The following RNF4 variants were observed in gnomAD, a reference collection of about 807,000 sequenced individuals.
RNF4 encodes E3 ubiquitin-protein ligase RNF4.
Under a neutral mutation model 24.3 loss-of-function variants are expected in RNF4, and 7 were observed. That is an observed-to-expected ratio of 0.29 (90% CI 0.16 to 0.54). The LOEUF is 0.54. Ranked by LOEUF, RNF4 falls within the 20% of genes least tolerant of loss-of-function variation. The pLI, the probability that RNF4 is intolerant of heterozygous loss-of-function variation, is 0.95. For synonymous variants in RNF4, 83 were observed against 84.3 expected, an observed-to-expected ratio of 0.98 and a Z score of 0.09; for missense variants, 209 against 248.5, an observed-to-expected ratio of 0.84 and a Z score of 1.07.
intron 1 of RNF4, among the ~76,000 whole-genome samples, chr4:2,482,942 G>T (rs920749784): frequency 1.3e-4 from 20 of 152,170 alleles, no homozygotes; most frequent in African/African-American, 4.8e-4. Flanking sequence ...TGCCAAGTCT[G>T]TTCTGGAAAT....
At chr4:2,507,535 A>G (rs918805676) in intron 4 of RNF4, among the ~76,000 whole-genome samples, 13 of 152,250 alleles carry the variant, frequency 8.5e-5, no homozygotes, top group African/African-American at 3.1e-4. Flanking sequence ...CAGTGGAGCA[A>G]TGTGCAGTGC....
intron 2 of RNF4, 63 bp from the exon 3 acceptor site, chr4:2,496,944 G>A (rs1046345004): frequency 3.2e-6 from 4 of 1,258,384 alleles, no homozygotes; most frequent in Non-Finnish European, 4.5e-6. Flanking sequence ...TGCCCATTTA[G>A]TTCTTCCTGA....
intron 2 of RNF4, chr4:2,490,776 T>G: frequency 5.5e-6 from 2 of 360,848 alleles, no homozygotes; most frequent in Non-Finnish European, 1.0e-5. Context: ...CAGTTGTCAG[T>G]GTCATAGAAA....
intron 1 of RNF4, among the ~76,000 whole-genome samples, chr4:2,476,299 G>A (rs1735069577): frequency 6.6e-6 from 1 of 152,156 alleles, no homozygotes; most frequent in Non-Finnish European, 1.5e-5. Flanking sequence ...TCCAGTGTTG[G>A]TTCTCGCCTC....
At chr4:2,506,894 T>A (rs1736118031) in intron 4 of RNF4, among the ~76,000 whole-genome samples, 1 of 152,212 alleles carries the variant, frequency 6.6e-6, no homozygotes, top group South Asian at 2.1e-4. Flanking sequence ...ATGAGCATTT[T>A]CAGTATGCCA....
intron 2 of RNF4, among the ~76,000 whole-genome samples, chr4:2,492,197 CAAA>C (rs1211407930): frequency 2.5e-5 from 3 of 122,274 alleles, no homozygotes; most frequent in Non-Finnish European, 3.5e-5. Flanking sequence ...GACTCCATCT[CAAA>C]AAAAAAAAAA....
intron 1 of RNF4, chr4:2,480,601 T>A (rs1489838884): frequency 6.6e-6 from 1 of 152,146 alleles, no homozygotes; most frequent in African/African-American, 2.4e-5. Flanking sequence ...AAAAATCTCA[T>A]TTACATGTTT....
chr4:2,504,624 C>T (rs947046751), intron 4 of RNF4, among the ~76,000 whole-genome samples: 2 of 151,202 alleles, frequency 1.3e-5, no homozygotes, highest in African/African-American at 4.9e-5. Context: ...GATCTTGGCT[C>T]ACTGTAAGCT....
chr4:2,478,863 G>T (rs1239594262), intron 1 of RNF4, among the ~76,000 whole-genome samples: 1 of 152,164 alleles, frequency 6.6e-6, no homozygotes, highest in Non-Finnish European at 1.5e-5. Context: ...TGGGAAGAGG[G>T]CCACTGTCCT....
chr4:2,473,891 A>T (rs1003754202), intron 1 of RNF4, among the ~76,000 whole-genome samples: 15 of 151,950 alleles, frequency 9.9e-5, no homozygotes, highest in African/African-American at 3.6e-4. Context: ...GGCCAACATG[A>T]TAAAACCTTG....
At chr4:2,495,639 T>TGGGG (rs148112615) in intron 2 of RNF4, among the ~76,000 whole-genome samples, 27 of 132,836 alleles carry the variant, frequency 2.0e-4, no homozygotes, top group South Asian at 1.3e-3. Context: ...CTTTTTTTTT[T>TGGGG]GGGGGGGGGT....
intron 1 of RNF4, among the ~76,000 whole-genome samples, chr4:2,483,915 C>G (rs1735317850): frequency 6.6e-6 from 1 of 151,588 alleles, no homozygotes; most frequent in South Asian, 2.1e-4. Flanking sequence ...TCACCTCCAC[C>G]TCTTGGGTTC....
intron 1 of RNF4, among the ~76,000 whole-genome samples, chr4:2,473,390 AAATC>A (rs753993792): frequency 6.6e-6 from 1 of 152,154 alleles, no homozygotes; most frequent in Non-Finnish European, 1.5e-5. Context: ...TTAAAAAAAA[AAATC>A]AATTAACACA....
intron 1 of RNF4, among the ~76,000 whole-genome samples, chr4:2,475,439 C>T (rs949497483): frequency 1.3e-5 from 2 of 151,992 alleles, no homozygotes; most frequent in Admixed American, 1.3e-4. Flanking sequence ...CCCAGGTTCA[C>T]GCCATTCTCC....
rs1420374677 is a variant in RNF4 at position 2,515,482 on chromosome 4, T to C, written c.*1663T>C. On this transcript the variant is annotated 3_prime_UTR_variant, in exon 8 of 8. Coordinates refer to ENST00000314289, the MANE Select transcript of RNF4 (RefSeq NM_002938.5). ...GACATCATTGCCATTAACTTTCTTC[T>C]GGGCATCACGGCAATGTCACGATGC... The C allele has an allele frequency of 6.6e-6, 1 of 152,340 alleles. No individual in the cohort carries two copies. The highest frequency in any genetic ancestry group is 1.5e-5 in the Non-Finnish European group (1 of 68,046). 9.4% of individuals were successfully genotyped at this position (152,340 alleles called of 1,614,324 possible). A position where few individuals can be genotyped will look rare whatever the true frequency, so the allele number is the denominator to read the frequency against.
intron 1 of RNF4, among the ~76,000 whole-genome samples, chr4:2,488,088 AGG>A (rs958985732): frequency 1.3e-5 from 2 of 152,144 alleles, no homozygotes; most frequent in African/African-American, 4.8e-5. Context: ...TTCTGCACAG[AGG>A]CTGTGTTTGC....
At chr4:2,475,758 T>C (rs1735051755) in intron 1 of RNF4, among the ~76,000 whole-genome samples, 1 of 152,214 alleles carries the variant, frequency 6.6e-6, no homozygotes, top group Non-Finnish European at 1.5e-5. Context: ...TACTTCTTAC[T>C]CTCTTACAGA....
Position 2,512,574 on chromosome 4 carries a change from G to A in RNF4, c.351G>A (p.Arg117=). 6.2e-7 allele frequency: 1 copy of A among 1,613,870 alleles called. No individual in the cohort carries two copies. Among genetic ancestry groups the A allele is most frequent in the Non-Finnish European group, 8.5e-7 (1 of 1,179,810 alleles). Reference sequence around the variant, plus strand: ...CTACCCATACTCCCAGAAACGCCAGGGATGAGGGCGCTACAGGCCTCAGGT... The same window carrying A: ...CTACCCATACTCCCAGAAACGCCAGAGATGAGGGCGCTACAGGCCTCAGGT... ...YVTTHTPRNA[R]DEGATGLRPS... is the part of the protein sequence containing the mutation. Residue 117 remains arginine (R), a synonymous_variant, in exon 6 of 8, where the codon AGG becomes AGA. Transcript: ENST00000314289. This position sits in a 1 kb window ranked among gnomAD's most constrained non-coding sequence, Gnocchi z 4.1.
chr4:2,474,261 G>A (rs189714832), intron 1 of RNF4, among the ~76,000 whole-genome samples: 6 of 148,744 alleles, frequency 4.0e-5, no homozygotes, highest in African/African-American at 1.5e-4. Context: ...ACCTGTAATC[G>A]CAGCTACTCA....
Sources: gnomAD v4.1 joint callset for allele counts (sites outside exome capture counted in the v4.1 genomes callset) on GRCh38, gnomAD v4.1.1 for gene constraint, Gnocchi (gnomAD v3.1) non-coding constraint, MANE v1.5 for transcripts, NCBI Gene and HGNC (gene_info 2026-07-23, HGNC 2026-07-21) for gene names.